Variants in CRYL1 observed in about 807,000 individuals in gnomAD.
CRYL1 encodes crystallin lambda 1.
In CRYL1, 29 loss-of-function variants were observed where a neutral mutation model predicts 36.6. That is an observed-to-expected ratio of 0.79 (90% CI 0.59 to 1.08). The LOEUF (loss-of-function observed/expected upper bound fraction) is 1.08. CRYL1 is among the 50% of genes least tolerant of loss of function. The pLI is 0.00. For synonymous variants in CRYL1, 152 were observed against 151.5 expected, an observed-to-expected ratio of 1.00 and a Z score of -0.02; for missense variants, 411 against 407.9, an observed-to-expected ratio of 1.01 and a Z score of -0.06.
At position 20,429,063 on chromosome 13, in the gene CRYL1, G is replaced by C. The variant is rs7338455; in HGVS notation, c.633+3039C>G. Among the ~76,000 whole-genome samples the C allele has an allele frequency of 0.58, 87,899 of 151,964 alleles. 26,061 individuals are homozygous for C. Among genetic ancestry groups the C allele is most frequent in the African/African-American group, 0.72 (29,708 of 41,440 alleles). On this transcript the variant is annotated intron_variant, in intron 5 of 7. Coordinates refer to ENST00000298248, the MANE Select transcript of CRYL1 (RefSeq NM_015974.3). ...GAGCAGTGAGTCCTAGTTGCCCCCCGACCAATGCTCATTCCATTCACTACA... is the reference window on the plus strand; with the variant it reads ...GAGCAGTGAGTCCTAGTTGCCCCCCCACCAATGCTCATTCCATTCACTACA...
At chr13:20,406,577 G>A (rs1366651101) in intron 6 of CRYL1, among the ~76,000 whole-genome samples, 2 of 152,184 alleles carry the variant, frequency 1.3e-5, no homozygotes, top group East Asian at 1.9e-4. Context: ...GATACGTACT[G>A]TAGATGGCTT....
At chr13:20,426,193 G>A (rs1009630567) in intron 5 of CRYL1, among the ~76,000 whole-genome samples, 1 of 151,460 alleles carries the variant, frequency 6.6e-6, no homozygotes, top group African/African-American at 2.4e-5. Flanking sequence ...TTGCAAGAGC[G>A]ATTCTCATCC....
chr13:20,430,084 G>T (rs2032022932), intron 5 of CRYL1, among the ~76,000 whole-genome samples: 1 of 152,082 alleles, frequency 6.6e-6, no homozygotes, highest in Non-Finnish European at 1.5e-5. Context: ...TCGCTGTGGG[G>T]CTCGGGGTGC....
chr13:20,489,553 A>C, intron 2 of CRYL1, 57 bp from the exon 3 acceptor site: 3 of 1,595,794 alleles, frequency 1.9e-6, no homozygotes, highest in Non-Finnish European at 2.6e-6. Context: ...TTAAAAACAG[A>C]TAAAGCCCAA....
chr13:20,427,706 A>G (rs962254529), intron 5 of CRYL1, among the ~76,000 whole-genome samples: 2 of 146,234 alleles, frequency 1.4e-5, no homozygotes, highest in African/African-American at 5.1e-5. Flanking sequence ...AAATAAAAGG[A>G]AAAAAAAATC....
rs149327573 is a variant in CRYL1 at position 20,436,577 on chromosome 13, G to A, written c.438+3016C>T. Among the ~76,000 whole-genome samples the A allele has an allele frequency of 2.7e-3, 415 of 152,230 alleles. 3 individuals are homozygous for A. Among genetic ancestry groups the A allele is most frequent in the African/African-American group, 9.4e-3 (390 of 41,538 alleles). ...CAGAGCCGGGCCCAGCCTCTTCCTG[G>A]GCCTTCAGTGTGGCCGTCAGCAGCT... On this transcript the variant is annotated intron_variant, in intron 4 of 7. Coordinates refer to ENST00000298248, the MANE Select transcript of CRYL1 (RefSeq NM_015974.3).
rs776560910 is a variant in CRYL1, at chr13:20,404,122, A to C, written c.*7T>G. The C allele has an allele frequency of 1.9e-5, 31 of 1,604,680 alleles. No homozygotes were observed. Among genetic ancestry groups the C allele is most frequent in the Non-Finnish European group, 2.6e-5 (31 of 1,171,594 alleles). On this transcript the variant is annotated 3_prime_UTR_variant, in exon 8 of 8. Transcript: ENST00000298248. The stretch of plus-strand genomic sequence containing the variant: ...ATGAGAGGAGTGGAAGCTGCATTAC[A>C]AGAAATTCACTGGGGCTGCACTTGA...
At chr13:20,524,539 G>C (rs1011440904) in intron 1 of CRYL1, among the ~76,000 whole-genome samples, 2 of 152,058 alleles carry the variant, frequency 1.3e-5, no homozygotes, top group African/African-American at 4.8e-5. Flanking sequence ...CACTACGCCC[G>C]GCTAATTTTG....
In CRYL1 at chr13:20,404,724, C is replaced by T. The variant is rs145530540; in HGVS notation, c.757G>A (p.Asp253Asn). Residue 253 changes from aspartate to asparagine, a missense_variant, in exon 7 of 8, where the codon GAC becomes AAC. Transcript: ENST00000298248. ...TGTTTTATGCCTTCGCTGTATCTGT[C>T]GCAGTAGCTTAACATACCTGGAATT... ...LNAEGMLSYC[D>N]RYSEGIKHVL... The T allele has an allele frequency of 2.2e-4, 357 of 1,612,478 alleles. No individual in the cohort carries two copies. The African/African-American group carries it at 2.3e-3, about 10-fold the overall frequency.
rs1344660605 is a variant in CRYL1, at chr13:20,481,419, G to T, written c.276+7951C>A. Among the ~76,000 whole-genome samples the T allele has an allele frequency of 6.6e-6, 1 of 152,172 alleles. No individual in the cohort carries two copies. The highest frequency in any genetic ancestry group is 1.5e-5 in the Non-Finnish European group (1 of 68,030). On this transcript the variant is annotated intron_variant, in intron 3 of 7. Coordinates refer to ENST00000298248, the MANE Select transcript of CRYL1 (RefSeq NM_015974.3). This position sits in a 1 kb window ranked among gnomAD's most constrained non-coding sequence, Gnocchi z 4.1. Reference sequence around the variant, plus strand: ...GGGACAAAGAACAGATCAGTGGTGGGCAAGGCCTGGGGAACGGTGGGAGGA... The same window carrying T: ...GGGACAAAGAACAGATCAGTGGTGGTCAAGGCCTGGGGAACGGTGGGAGGA...
At chr13:20,502,065 A>G (rs2033712683) in intron 2 of CRYL1, among the ~76,000 whole-genome samples, 1 of 152,094 alleles carries the variant, frequency 6.6e-6, no homozygotes, top group Non-Finnish European at 1.5e-5. Flanking sequence ...GTAGCTCCAG[A>G]CTTCCGTTTG....
chr13:20,445,683 T>C (rs1001179698), intron 3 of CRYL1, among the ~76,000 whole-genome samples: 81 of 152,268 alleles, frequency 5.3e-4, no homozygotes, highest in African/African-American at 1.9e-3. Flanking sequence ...ATTCACATAA[T>C]GGTGGTATCA....
chr13:20,418,081 T>C (rs917195337), intron 5 of CRYL1, among the ~76,000 whole-genome samples: 1 of 152,180 alleles, frequency 6.6e-6, no homozygotes, highest in Non-Finnish European at 1.5e-5. Flanking sequence ...AATTTCTCCT[T>C]CCTCAGGGAG....
At chr13:20,442,342 AC>A (rs2032368730) in intron 3 of CRYL1, among the ~76,000 whole-genome samples, 1 of 152,146 alleles carries the variant, frequency 6.6e-6, no homozygotes, top group African/African-American at 2.4e-5. Flanking sequence ...TTTAAGAGTG[AC>A]CCAATTGTGT....
intron 2 of CRYL1, chr13:20,502,507 T>G (rs1243446317): frequency 6.6e-6 from 1 of 152,360 alleles, no homozygotes; most frequent in Non-Finnish European, 1.5e-5. Context: ...AAAAAAAAAT[T>G]AGCTGGGCGT....
chr13:20,503,603 G>A (rs985749904), intron 2 of CRYL1, among the ~76,000 whole-genome samples: 14 of 152,196 alleles, frequency 9.2e-5, no homozygotes, highest in African/African-American at 2.9e-4. Flanking sequence ...CCGACTGGCC[G>A]ATGCAAGCCC....
At chr13:20,466,952 CT>C (rs11376396) in intron 3 of CRYL1, among the ~76,000 whole-genome samples, 1 of 147,486 alleles carries the variant, frequency 6.8e-6, no homozygotes, top group African/African-American at 2.5e-5. Flanking sequence ...CACAATATAA[CT>C]TTTTTTTTTT....
intron 3 of CRYL1, among the ~76,000 whole-genome samples, chr13:20,462,794 C>G (rs1359255085): frequency 6.6e-6 from 1 of 151,838 alleles, no homozygotes; most frequent in Non-Finnish European, 1.5e-5. Context: ...GGTACCATCC[C>G]ACTGCCTTAA....
chr13:20,467,227 A>G (rs542954264), intron 3 of CRYL1, among the ~76,000 whole-genome samples: 8 of 152,154 alleles, frequency 5.3e-5, no homozygotes, highest in Admixed American at 1.3e-4. Flanking sequence ...GATTACAGGC[A>G]TAAGCCACCA....
Sources: gnomAD v4.1 joint callset for allele counts (sites outside exome capture counted in the v4.1 genomes callset) on GRCh38, gnomAD v4.1.1 for gene constraint, Gnocchi (gnomAD v3.1) non-coding constraint, MANE v1.5 for transcripts, NCBI Gene and HGNC (gene_info 2026-07-23, HGNC 2026-07-21) for gene names.